The following CYFIP1 variants were observed in gnomAD, a reference collection of about 807,000 sequenced individuals.
CYFIP1 encodes cytoplasmic FMR1 interacting protein 1.
In CYFIP1, 58 loss-of-function variants were observed where a neutral mutation model predicts 163.5. That is an observed-to-expected ratio of 0.35 (90% CI 0.29 to 0.44). The LOEUF (loss-of-function observed/expected upper bound fraction) is 0.44, where lower values mean the gene tolerates loss of function less well. CYFIP1 is among the 20% of genes least tolerant of loss of function. CYFIP1 has a pLI of 1.00. For synonymous variants in CYFIP1, 663 were observed against 660.7 expected, an observed-to-expected ratio of 1.00 and a Z score of -0.05; for missense variants, 1,338 against 1,653.8, an observed-to-expected ratio of 0.81 and a Z score of 3.31.
chr15:22,944,715 C>T (rs961660985), intron 4 of CYFIP1, 56 bp from the exon 5 acceptor site: 40 of 1,543,568 alleles, frequency 2.6e-5, no homozygotes, highest in African/African-American at 2.6e-4. Context: ...CAGAAGCAGC[C>T]GCTGGGCTTC....
At position 22,915,837 on chromosome 15, in the gene CYFIP1, A is replaced by G. The variant is rs146446623; in HGVS notation, c.1828+640T>C. Among the ~76,000 whole-genome samples, 793 of 152,320 alleles carry G rather than the reference A, an allele frequency of 5.2e-3. 5 individuals are homozygous for G. The highest frequency in any genetic ancestry group is 0.027 in the Middle Eastern group (8 of 294). On this transcript the variant is annotated intron_variant, in intron 16 of 30. Coordinates refer to ENST00000617928, the MANE Select transcript of CYFIP1 (RefSeq NM_014608.6). ...AGGCTGCAGCATTAGAGGCACACTCAGGGAGGTCTGTCTAACGCAAAAATG... is the reference window on the plus strand; with the variant it reads ...AGGCTGCAGCATTAGAGGCACACTCGGGGAGGTCTGTCTAACGCAAAAATG...
chr15:22,973,706 C>G (rs1381141936), intron 1 of CYFIP1, among the ~76,000 whole-genome samples: 1 of 152,036 alleles, frequency 6.6e-6, no homozygotes, highest in Non-Finnish European at 1.5e-5. Context: ...AAAAAATAGA[C>G]AAATGGGATT....
intron 14 of CYFIP1, among the ~76,000 whole-genome samples, chr15:22,918,466 G>T (rs1049274464): frequency 2.0e-5 from 3 of 152,112 alleles, no homozygotes; most frequent in South Asian, 2.1e-4. Context: ...CTTGTCCCGG[G>T]GTCCTCAGAC....
At chr15:22,884,340 C>T (rs1346108174) in intron 23 of CYFIP1, among the ~76,000 whole-genome samples, 2 of 152,202 alleles carry the variant, frequency 1.3e-5, no homozygotes, top group Non-Finnish European at 2.9e-5. Flanking sequence ...GGGGTACAGG[C>T]ATTGGATAAA....
intron 1 of CYFIP1, among the ~76,000 whole-genome samples, chr15:22,965,233 C>T (rs1202883320): frequency 4.6e-5 from 7 of 152,168 alleles, no homozygotes; most frequent in African/African-American, 1.2e-4. Context: ...CCAAGGCAGG[C>T]GGATCACCTG....
At chr15:22,902,792 C>T (rs375721074) in intron 22 of CYFIP1, among the ~76,000 whole-genome samples, 9 of 152,290 alleles carry the variant, frequency 5.9e-5, no homozygotes, top group African/African-American at 2.2e-4. Context: ...GACCCACGGC[C>T]CCACAGGAAA....
intron 1 of CYFIP1, among the ~76,000 whole-genome samples, chr15:22,968,043 G>A (rs1399074678): frequency 1.3e-5 from 2 of 152,112 alleles, no homozygotes; most frequent in Non-Finnish European, 2.9e-5. Flanking sequence ...GGCTGAGGCA[G>A]GAGAATCGCT....
chr15:22,879,903 G>A lies in CYFIP1; in HGVS notation c.3042+10C>T, dbSNP rs756063152. The stretch of plus-strand genomic sequence containing the variant: ...GGGGCGGGGAGGGGCGGCGTTGGGG[G>A]GCCACTCACCAGGCTCTGCTCGATG... On this transcript the variant is annotated intron_variant, in intron 26 of 30. Coordinates refer to ENST00000617928, the MANE Select transcript of CYFIP1 (RefSeq NM_014608.6). 6.2e-7 allele frequency: 1 copy of A among 1,608,210 alleles called. No homozygotes were observed. The highest frequency in any genetic ancestry group is 8.5e-7 in the Non-Finnish European group (1 of 1,178,502).
At chr15:22,870,649 G>T (rs1208303033) in intron 30 of CYFIP1, among the ~76,000 whole-genome samples, 1 of 152,160 alleles carries the variant, frequency 6.6e-6, no homozygotes, top group Non-Finnish European at 1.5e-5. Context: ...TTGGAAGGAT[G>T]AATATATTTT....
intron 16 of CYFIP1, chr15:22,915,114 T>C: frequency 2.5e-6 from 1 of 404,172 alleles, no homozygotes. Context: ...TTCAGTGGGA[T>C]CCAGGGGGAA....
intron 1 of CYFIP1, among the ~76,000 whole-genome samples, chr15:22,975,397 G>C (rs1183217045): frequency 6.7e-6 from 1 of 148,990 alleles, no homozygotes; most frequent in Non-Finnish European, 1.5e-5. Flanking sequence ...TTGAACCCGG[G>C]AGGCAGAGCT....
At chr15:22,948,851 G>A (rs962179351) in intron 1 of CYFIP1, among the ~76,000 whole-genome samples, 6 of 146,562 alleles carry the variant, frequency 4.1e-5, no homozygotes, top group African/African-American at 1.5e-4. Context: ...TGAACTTGAA[G>A]ATAGAGCAAT....
chr15:22,921,090 C>CTAAAATTA (rs1566974687), intron 13 of CYFIP1, among the ~76,000 whole-genome samples: 1 of 152,034 alleles, frequency 6.6e-6, no homozygotes, highest in Non-Finnish European at 1.5e-5. Flanking sequence ...CTAAAAGCAC[C>CTAAAATTA]CGGGCGCAGT....
At chr15:22,927,483 CAAAAAAAAAAAAA>C (rs1188331935) in intron 12 of CYFIP1, among the ~76,000 whole-genome samples, 2 of 57,492 alleles carry the variant, frequency 3.5e-5, no homozygotes, top group South Asian at 7.4e-4. Flanking sequence ...AACTCCGTCT[CAAAAAAAAAAAAA>C]AAAAAAAAAA....
In CYFIP1 at chr15:22,867,246, C is replaced by CAG. The variant is rs552579436; in HGVS notation, c.*2780_*2781dup. ...GTAAGGCTTTTTTATTTTAAAAAAACAGAGTTATCCCAATACATTATCCTG... is the reference window on the plus strand; with the variant it reads ...GTAAGGCTTTTTTATTTTAAAAAAACAGAGAGTTATCCCAATACATTATCCTG... On this transcript the variant is annotated 3_prime_UTR_variant, in exon 31 of 31. Coordinates refer to ENST00000617928, the MANE Select transcript of CYFIP1 (RefSeq NM_014608.6). 2.5e-6 allele frequency: 1 copy of CAG among 403,986 alleles called. No individual in the cohort carries two copies. Among genetic ancestry groups the CAG allele is most frequent in the Non-Finnish European group, 4.4e-6 (1 of 229,740 alleles). The allele number at this position is 403,986 out of a possible 1,614,324, so 25.0% of individuals were successfully genotyped here.
intron 23 of CYFIP1, among the ~76,000 whole-genome samples, chr15:22,883,779 T>A (rs1027940236): frequency 1.5e-5 from 2 of 133,770 alleles, no homozygotes; most frequent in Non-Finnish European, 3.0e-5. Context: ...ATCGCGCCAC[T>A]GCACTCCAGC....
intron 1 of CYFIP1, among the ~76,000 whole-genome samples, chr15:22,976,720 C>T (rs989753503): frequency 2.6e-5 from 4 of 152,110 alleles, no homozygotes; most frequent in Admixed American, 2.6e-4. Flanking sequence ...TTATCATAGG[C>T]ATAGATGTAT....
intron 17 of CYFIP1, chr15:22,912,490 G>T: frequency 2.2e-6 from 1 of 464,160 alleles, no homozygotes. Context: ...CTTGGGGACA[G>T]CAGACGCTCA....
Position 22,917,676 on chromosome 15 carries a change from G to C in CYFIP1, c.1674+112C>G. On this transcript the variant is annotated intron_variant, in intron 15 of 30. Transcript: ENST00000617928. This position sits in a 1 kb window ranked among gnomAD's most constrained non-coding sequence, Gnocchi z 4.2. Reference sequence around the variant, plus strand: ...ACCACAGGCGCCACTTTCTCTGCCTGAGCAGGCAGCGAGGACCTCATTTAA... The same window carrying C: ...ACCACAGGCGCCACTTTCTCTGCCTCAGCAGGCAGCGAGGACCTCATTTAA... The C allele has an allele frequency of 1.5e-6, 2 of 1,293,132 alleles. No homozygotes were observed. Among genetic ancestry groups the C allele is most frequent in the Non-Finnish European group, 2.1e-6 (2 of 968,616 alleles). 80.1% of individuals were successfully genotyped at this position (1,293,132 alleles called of 1,614,324 possible).
Sources: allele counts gnomAD v4.1 joint callset (sites outside exome capture counted in the v4.1 genomes callset), GRCh38; gene constraint gnomAD v4.1.1; non-coding constraint Gnocchi (gnomAD v3.1); transcripts MANE v1.5; gene names NCBI Gene and HGNC (gene_info 2026-07-23, HGNC 2026-07-21).